LRRTM4: variants seen among roughly 807,000 people sequenced by gnomAD.
LRRTM4 encodes leucine-rich repeat transmembrane neuronal protein 4.
A neutral mutation model predicts 47.6 loss-of-function variants in LRRTM4; 25 were observed. The ratio of observed to expected loss-of-function variants is 0.53; its 90% CI spans 0.38 to 0.73. LRRTM4 has a LOEUF of 0.73. Ranked by LOEUF, LRRTM4 falls within the 30% of genes least tolerant of loss-of-function variation. The pLI is 0.00. For synonymous variants in LRRTM4, 311 were observed against 269.5 expected, an observed-to-expected ratio of 1.15 and a Z score of -1.51; for missense variants, 638 against 713.4, an observed-to-expected ratio of 0.89 and a Z score of 1.20.
intron 3 of LRRTM4, among the ~76,000 whole-genome samples, chr2:77,145,022 T>A (rs1672217430): frequency 1.3e-5 from 2 of 151,994 alleles, no homozygotes; most frequent in Admixed American, 1.3e-4. Flanking sequence ...ACACTAAACA[T>A]AAGAAACCAA....
intron 3 of LRRTM4, among the ~76,000 whole-genome samples, chr2:76,874,068 T>G (rs1470098334): frequency 6.6e-6 from 1 of 151,896 alleles, no homozygotes; most frequent in Non-Finnish European, 1.5e-5. Context: ...TATGCTGGTG[T>G]ACTTTATAGA....
chr2:76,834,012 TTTATTTA>T (rs1199816556), intron 3 of LRRTM4, among the ~76,000 whole-genome samples: 1 of 133,908 alleles, frequency 7.5e-6, no homozygotes, highest in African/African-American at 3.0e-5. Flanking sequence ...TTGTTTTTCA[TTTATTTA>T]TTATTTATTT....
chr2:76,795,156 T>C (rs1032238948), intron 3 of LRRTM4, among the ~76,000 whole-genome samples: 2 of 151,842 alleles, frequency 1.3e-5, no homozygotes, highest in Admixed American at 6.6e-5. Context: ...AATATATGAA[T>C]AGGCAATGAT....
intron 3 of LRRTM4, among the ~76,000 whole-genome samples, chr2:77,372,117 A>G (rs1212619169): frequency 6.6e-6 from 1 of 151,790 alleles, no homozygotes; most frequent in Non-Finnish European, 1.5e-5. Context: ...AAATATGACA[A>G]TAGGCTGCTG....
At chr2:77,292,515 C>T (rs1446405965) in intron 3 of LRRTM4, among the ~76,000 whole-genome samples, 1 of 151,820 alleles carries the variant, frequency 6.6e-6, no homozygotes, top group African/African-American at 2.4e-5. Flanking sequence ...TACTATGCAG[C>T]CATAAAAAAT....
chr2:76,885,462 C>CTTTTTTTTTTTTTT (rs775279021), intron 3 of LRRTM4, among the ~76,000 whole-genome samples: 1 of 135,596 alleles, frequency 7.4e-6, no homozygotes. Flanking sequence ...CAAAAACATG[C>CTTTTTTTTTTTTTT]TTTTTTTTTT....
At chr2:77,047,033 T>C (rs746548841) in intron 3 of LRRTM4, among the ~76,000 whole-genome samples, 1 of 152,046 alleles carries the variant, frequency 6.6e-6, no homozygotes, top group Non-Finnish European at 1.5e-5. Context: ...ATTTGGTAGT[T>C]ATAATGCATT....
At chr2:77,404,333 C>CT (rs201268526) in intron 3 of LRRTM4, among the ~76,000 whole-genome samples, 12 of 152,168 alleles carry the variant, frequency 7.9e-5, no homozygotes, top group Non-Finnish European at 1.6e-4. Flanking sequence ...TTCCCATCAT[C>CT]TTTTTTTCTT....
chr2:76,919,860 T>C (rs568596456), intron 3 of LRRTM4, among the ~76,000 whole-genome samples: 1 of 152,292 alleles, frequency 6.6e-6, no homozygotes, highest in Non-Finnish European at 1.5e-5. Context: ...TGTCTTCTTG[T>C]TGTGTCATTT....
chr2:77,352,790 T>C (rs868557024), intron 3 of LRRTM4, among the ~76,000 whole-genome samples: 1 of 152,004 alleles, frequency 6.6e-6, no homozygotes, highest in Non-Finnish European at 1.5e-5. Context: ...CTATTATAAA[T>C]GCCTTTTCAG....
intron 3 of LRRTM4, among the ~76,000 whole-genome samples, chr2:76,807,968 TCC>T (rs1670600757): frequency 1.3e-5 from 2 of 150,982 alleles, no homozygotes; most frequent in African/African-American, 2.4e-5. Context: ...TCTTTTTCTT[TCC>T]TTCCTTCCCT....
chr2:77,123,433 C>T (rs1361739364), intron 3 of LRRTM4, among the ~76,000 whole-genome samples: 5 of 152,058 alleles, frequency 3.3e-5, no homozygotes, highest in Non-Finnish European at 5.9e-5. Flanking sequence ...AACTAAATGA[C>T]AATGTTGCTA....
intron 3 of LRRTM4, among the ~76,000 whole-genome samples, chr2:76,777,048 T>C (rs2104137709): frequency 7.3e-6 from 1 of 137,568 alleles, no homozygotes; most frequent in East Asian, 2.3e-4. Flanking sequence ...TTCTCAGGTT[T>C]GTCAAAGATC....
intron 3 of LRRTM4, among the ~76,000 whole-genome samples, chr2:77,233,820 G>A (rs116206264): frequency 6.6e-6 from 1 of 151,964 alleles, no homozygotes; most frequent in Non-Finnish European, 1.5e-5. Context: ...ACGGAGTCTC[G>A]CTGTCACCCA....
At chr2:77,467,903 ATTGAT>A (rs1484014287) in intron 3 of LRRTM4, among the ~76,000 whole-genome samples, 1 of 152,192 alleles carries the variant, frequency 6.6e-6, no homozygotes, top group Non-Finnish European at 1.5e-5. Flanking sequence ...AAGGTTATTT[ATTGAT>A]TTGTCTTTTT....
At chr2:76,913,082 G>A (rs1188176626) in intron 3 of LRRTM4, among the ~76,000 whole-genome samples, 1 of 152,124 alleles carries the variant, frequency 6.6e-6, no homozygotes, top group African/African-American at 2.4e-5. Context: ...CTTTGCAAAT[G>A]AAAAATCTTA....
intron 3 of LRRTM4, among the ~76,000 whole-genome samples, chr2:77,253,245 A>G (rs1675671544): frequency 6.6e-6 from 1 of 152,174 alleles, no homozygotes; most frequent in African/African-American, 2.4e-5. Flanking sequence ...AAATGGGAGG[A>G]TCCCATACTT....
At chr2:77,100,550 C>G (rs1364247973) in intron 3 of LRRTM4, among the ~76,000 whole-genome samples, 1 of 152,002 alleles carries the variant, frequency 6.6e-6, no homozygotes, top group Non-Finnish European at 1.5e-5. Flanking sequence ...GGACACATAA[C>G]CTGGATTCTT....
chr2:76,970,329 T>C (rs926548824), intron 3 of LRRTM4, among the ~76,000 whole-genome samples: 8 of 152,004 alleles, frequency 5.3e-5, no homozygotes, highest in Non-Finnish European at 1.5e-5. Flanking sequence ...TGATCAATTT[T>C]GAAACAGTCT....
Sources: allele counts gnomAD v4.1 joint callset (sites outside exome capture counted in the v4.1 genomes callset), GRCh38; gene constraint gnomAD v4.1.1; transcripts MANE v1.5; gene names NCBI Gene and HGNC (gene_info 2026-07-23, HGNC 2026-07-21).